Variants in CSNK1A1 observed in about 807,000 individuals in gnomAD.
CSNK1A1 encodes the protein casein kinase I isoform alpha.
A neutral mutation model predicts 46.1 loss-of-function variants in CSNK1A1; 7 were observed. That is an observed-to-expected ratio of 0.15 (90% CI 0.09 to 0.29). The LOEUF is 0.29. CSNK1A1 is among the 10% of genes least tolerant of loss of function. The probability of loss-of-function intolerance (pLI) is 1.00; values close to 1 mark genes in which losing one functional copy is unlikely to be tolerated. For synonymous variants in CSNK1A1, 137 were observed against 141.5 expected, an observed-to-expected ratio of 0.97 and a Z score of 0.23; for missense variants, 96 against 417.1, an observed-to-expected ratio of 0.23 and a Z score of 6.71.
intron 9 of CSNK1A1, chr5:149,505,120 T>G (rs1241360981): frequency 2.9e-6 from 3 of 1,020,244 alleles, no homozygotes; most frequent in Non-Finnish European, 3.5e-6. Flanking sequence ...TTATATTATA[T>G]TCCCAACACC....
At chr5:149,512,873 A>G (rs759346392) in intron 5 of CSNK1A1, among the ~76,000 whole-genome samples, 197 bp downstream of exon 5, 56 of 152,346 alleles carry the variant, frequency 3.7e-4, no homozygotes, top group Non-Finnish European at 6.6e-4. Flanking sequence ...ACCTTCAACA[A>G]CAACAAAAAA....
intron 2 of CSNK1A1, among the ~76,000 whole-genome samples, chr5:149,534,301 G>A (rs1240433145): frequency 6.6e-6 from 1 of 151,812 alleles, no homozygotes; most frequent in Non-Finnish European, 1.5e-5. Context: ...GGCCAACATG[G>A]TGAAACCCCG....
At chr5:149,534,482 C>CAAAAAAAAAAAAA (rs10597922) in intron 2 of CSNK1A1, among the ~76,000 whole-genome samples, 1 of 94,986 alleles carries the variant, frequency 1.1e-5, no homozygotes, top group African/African-American at 4.2e-5. Flanking sequence ...GACTCTGTCT[C>CAAAAAAAAAAAAA]AAAAAAAAAA....
Position 149,517,740 on chromosome 5 carries a change from A to G in CSNK1A1, c.456+2550T>C. ...AAAATCATCAAAATAAAACAATAAA[A>G]AAGAAAAGCACATGAATTTGGGATT... is the stretch of plus-strand genomic sequence containing the variant. On this transcript the variant is annotated intron_variant, in intron 4 of 9. Coordinates refer to ENST00000377843, the MANE Select transcript of CSNK1A1 (RefSeq NM_001892.6). The surrounding 1 kb of genome is among the most constrained non-coding windows in gnomAD (Gnocchi z 4.4). 1 of 1,140,784 alleles carries G rather than the reference A, an allele frequency of 8.8e-7. No homozygotes were observed. Among genetic ancestry groups the G allele is most frequent in the South Asian group, 1.4e-5 (1 of 72,296 alleles). 70.7% of individuals were successfully genotyped at this position (1,140,784 alleles called of 1,614,324 possible).
At chr5:149,512,871 C>T (rs954253271) in intron 5 of CSNK1A1, among the ~76,000 whole-genome samples, 199 bp downstream of exon 5, 1 of 152,132 alleles carries the variant, frequency 6.6e-6, no homozygotes, top group Non-Finnish European at 1.5e-5. Context: ...CAACCTTCAA[C>T]AACAACAAAA....
chr5:149,496,563 G>GT lies in CSNK1A1; in HGVS notation c.*289dup, dbSNP rs1402842890. 2.0e-5 allele frequency: 8 copies of GT among 396,574 alleles called. No homozygotes were observed. The Admixed American group carries it at 3.3e-4, about 16-fold the overall frequency. The allele number at this position is 396,574 out of a possible 1,614,324, so 24.6% of individuals were successfully genotyped here. Reference sequence around the variant, plus strand: ...ATGCACAATTTCTCCACCAATTTTTGTGTGTCAACCATTTAGTTAACTTTT... The same window carrying GT: ...ATGCACAATTTCTCCACCAATTTTTGTTGTGTCAACCATTTAGTTAACTTTT... On this transcript the variant is annotated 3_prime_UTR_variant, in exon 10 of 10. Coordinates refer to ENST00000377843, the MANE Select transcript of CSNK1A1 (RefSeq NM_001892.6).
At chr5:149,500,567 G>T (rs1462441884) in intron 9 of CSNK1A1, among the ~76,000 whole-genome samples, 1 of 152,014 alleles carries the variant, frequency 6.6e-6, no homozygotes, top group African/African-American at 2.4e-5. Context: ...GCGAGCCACC[G>T]CACCCGGCCT....
chr5:149,544,735 CTTTA>C (rs1287636525), intron 2 of CSNK1A1, among the ~76,000 whole-genome samples: 9 of 21,688 alleles, frequency 4.1e-4, no homozygotes, highest in Admixed American at 1.4e-3. Context: ...GGGTAAAGAG[CTTTA>C]TATATATATA....
chr5:149,513,305 A>G, intron 4 of CSNK1A1, 96 bp from the exon 5 acceptor site: 1 of 1,162,302 alleles, frequency 8.6e-7, no homozygotes, highest in Non-Finnish European at 1.2e-6. Flanking sequence ...GCATTCAAAT[A>G]TATCAAAATA....
chr5:149,513,824 C>T (rs538559794), intron 4 of CSNK1A1, among the ~76,000 whole-genome samples: 8 of 151,686 alleles, frequency 5.3e-5, no homozygotes, highest in South Asian at 2.1e-4. Flanking sequence ...CGCTTGAACC[C>T]GGGAGGCAGA....
chr5:149,506,607 T>C (rs1406509277), intron 8 of CSNK1A1, among the ~76,000 whole-genome samples: 1 of 152,156 alleles, frequency 6.6e-6, no homozygotes, highest in East Asian at 1.9e-4. Flanking sequence ...CCCCCCTTTT[T>C]CAAGACCAGT....
chr5:149,550,762 G>A lies in CSNK1A1; in HGVS notation c.123+80C>T. The A allele has an allele frequency of 1.3e-6, 2 of 1,592,484 alleles. No homozygotes were observed. On this transcript the variant is annotated intron_variant, in intron 1 of 9. Coordinates refer to ENST00000377843, the MANE Select transcript of CSNK1A1 (RefSeq NM_001892.6). This position sits in a 1 kb window ranked among gnomAD's most constrained non-coding sequence, Gnocchi z 4.3. ...GTGCGTGCGATGAGGAGAGGCCCGA[G>A]CACTTTGGGGGTGCACGGTGGTGGT... is the stretch of plus-strand genomic sequence containing the variant.
intron 9 of CSNK1A1, chr5:149,498,674 A>T (rs944577541): frequency 4.1e-6 from 4 of 985,300 alleles, no homozygotes; most frequent in East Asian, 1.1e-4. Flanking sequence ...AACATGATTT[A>T]AAAAACGTAT....
intron 9 of CSNK1A1, chr5:149,504,726 C>T (rs1225579882): frequency 2.0e-6 from 2 of 985,268 alleles, no homozygotes; most frequent in Non-Finnish European, 2.4e-6. Context: ...CCACATTAAA[C>T]CCTGGGAGCC....
chr5:149,550,258 G>C lies in CSNK1A1; in HGVS notation c.124-77C>G, dbSNP rs112463471. 1.9e-4 allele frequency: 286 copies of C among 1,545,220 alleles called. 4 individuals carry two copies. In the African/African-American group the frequency reaches 3.0e-3, roughly 16 times the overall value. ...CACTTAGGAAAGGAGGGAGACATTA[G>C]CAAAACTCCAAGTCGCGACTACAAG... On this transcript the variant is annotated intron_variant, in intron 1 of 9. Transcript: ENST00000377843. The surrounding 1 kb of genome is among the most constrained non-coding windows in gnomAD (Gnocchi z 4.3).
chr5:149,526,712 G>A (rs1387588581), intron 2 of CSNK1A1, among the ~76,000 whole-genome samples: 1 of 152,006 alleles, frequency 6.6e-6, no homozygotes, highest in East Asian at 1.9e-4. Context: ...TAGTGGTCCT[G>A]GGCACCCATT....
chr5:149,546,898 TG>T (rs1420704096), intron 2 of CSNK1A1, among the ~76,000 whole-genome samples: 1 of 152,178 alleles, frequency 6.6e-6, no homozygotes, highest in Non-Finnish European at 1.5e-5. Flanking sequence ...CTGAGGGGGA[TG>T]GGAAGATGCT....
At chr5:149,497,148 G>T (rs1760678457) in intron 9 of CSNK1A1, 1 of 1,155,354 alleles carries the variant, frequency 8.7e-7, no homozygotes, top group Non-Finnish European at 1.1e-6. Flanking sequence ...GCATGTTTCT[G>T]CATTTTTACA....
At chr5:149,544,889 A>G (rs1009840356) in intron 2 of CSNK1A1, among the ~76,000 whole-genome samples, 11 of 150,970 alleles carry the variant, frequency 7.3e-5, no homozygotes, top group African/African-American at 2.7e-4. Flanking sequence ...TAATCCCAGC[A>G]CTTTGGCGGG....
Sources: gnomAD v4.1 joint callset for allele counts (sites outside exome capture counted in the v4.1 genomes callset) on GRCh38, gnomAD v4.1.1 for gene constraint, Gnocchi (gnomAD v3.1) non-coding constraint, MANE v1.5 for transcripts, NCBI Gene and HGNC (gene_info 2026-07-23, HGNC 2026-07-21) for gene names.